The following CSPG4 variants were observed in gnomAD, a reference collection of about 807,000 sequenced individuals.
The protein encoded by CSPG4 is chondroitin sulfate proteoglycan 4, also known as chondroitin sulfate proteoglycan 4 (melanoma-associated).
In CSPG4, 74 loss-of-function variants were observed where a neutral mutation model predicts 139.3. The ratio of observed to expected loss-of-function variants is 0.53; its 90% CI spans 0.44 to 0.64. The LOEUF is 0.64. Ranked by LOEUF, CSPG4 falls within the 30% of genes least tolerant of loss-of-function variation. The probability of loss-of-function intolerance (pLI) is 0.00; values close to 1 mark genes in which losing one functional copy is unlikely to be tolerated. For missense variants in CSPG4, 2,565 were observed against 3,148.3 expected (o/e 0.81, Z 4.43); for synonymous variants, 1,234 against 1,394.2 (o/e 0.89, Z 2.56).
intron 1 of CSPG4, among the ~76,000 whole-genome samples, chr15:75,693,636 G>T (rs1191831065): frequency 1.3e-5 from 2 of 152,240 alleles, no homozygotes; most frequent in African/African-American, 4.8e-5. Context: ...CATCTGGCTT[G>T]GTGGTCACAG....
At chr15:75,712,621 C>A in intron 1 of CSPG4, 47 bp downstream of exon 1, 1 of 1,517,352 alleles carries the variant, frequency 6.6e-7, no homozygotes, top group Non-Finnish European at 8.9e-7. Flanking sequence ...CGGAGGAACC[C>A]CTCTAGTTCC....
At chr15:75,707,844 G>A (rs1217282406) in intron 1 of CSPG4, among the ~76,000 whole-genome samples, 1 of 152,148 alleles carries the variant, frequency 6.6e-6, no homozygotes, top group African/African-American at 2.4e-5. Context: ...ACACCCCTCT[G>A]GGGGCCAGGC....
At chr15:75,712,640 G>A in intron 1 of CSPG4, 28 bp downstream of exon 1, 2 of 1,545,534 alleles carry the variant, frequency 1.3e-6, no homozygotes, top group South Asian at 1.2e-5. Flanking sequence ...CCGCCAGGCT[G>A]GGTCGGGGTC....
Position 75,689,488 on chromosome 15 carries a change from G to T in CSPG4, c.1577C>A (p.Ala526Asp). The T allele has an allele frequency of 1.2e-6, 2 of 1,612,872 alleles. No individual in the cohort carries two copies. The highest frequency in any genetic ancestry group is 1.7e-6 in the Non-Finnish European group (2 of 1,179,872). Residue 526 changes from alanine to aspartate, a missense_variant, in exon 3 of 10, where the codon GCT becomes GAT. This residue lies in a region of CSPG4 where 2,316 missense variants were observed against 2,818.2 expected (regional missense o/e 0.82). Transcript: ENST00000308508. ...DQLVLEVSVT[A>D]RVPMPSCLRR... Reference sequence around the variant, plus strand: ...AAGGCATGAGGGCATGGGCACCCGAGCCGTCACCGACACCTCCAGCACCAG... The same window carrying T: ...AAGGCATGAGGGCATGGGCACCCGATCCGTCACCGACACCTCCAGCACCAG...
chr15:75,711,297 G>A (rs1894444043), intron 1 of CSPG4, among the ~76,000 whole-genome samples: 1 of 151,124 alleles, frequency 6.6e-6, no homozygotes, highest in African/African-American at 2.4e-5. Context: ...AATTTCCCGT[G>A]CCCCTGCGAG....
intron 1 of CSPG4, among the ~76,000 whole-genome samples, chr15:75,709,258 A>G (rs567239490): frequency 6.6e-6 from 1 of 152,342 alleles, no homozygotes; most frequent in East Asian, 1.9e-4. Flanking sequence ...CTGCAGCTGG[A>G]GGAAGAGCCT....
chr15:75,688,846 C>A lies in CSPG4; in HGVS notation c.2219G>T (p.Arg740Leu). ...AFHQRDVEQG[R>L]VRYLSTDPQH... ...TGGGTCAGTGCTCAGGTACCTCACG[C>A]GGCCCTGCTCCACATCCCGCTGGTG... Residue 740 changes from arginine (R) to leucine (L), a missense_variant, in exon 3 of 10, where the codon CGC becomes CTC. Arg to Leu is a moderately radical substitution (Grantham distance 102). This residue lies in a region of CSPG4 where 2,316 missense variants were observed against 2,818.2 expected (regional missense o/e 0.82). Transcript: ENST00000308508. The A allele has an allele frequency of 5.6e-6, 9 of 1,612,550 alleles. No individual in the cohort carries two copies. Among genetic ancestry groups the A allele is most frequent in the Non-Finnish European group, 7.6e-6 (9 of 1,179,980 alleles).
In CSPG4 at chr15:75,698,557, T is replaced by C. The variant is rs1405286894; in HGVS notation, c.89-5324A>G. Among the ~76,000 whole-genome samples, 1 of 151,846 alleles carries C rather than the reference T, an allele frequency of 6.6e-6. No homozygotes were observed. The highest frequency in any genetic ancestry group is 1.5e-5 in the Non-Finnish European group (1 of 67,954). The stretch of plus-strand genomic sequence containing the variant: ...GCATGGGTGAGTGTGTGCAGGAATG[T>C]GGGTCAGTGTCACATGTACACACGT... On this transcript the variant is annotated intron_variant, in intron 1 of 9. Coordinates refer to ENST00000308508, the MANE Select transcript of CSPG4 (RefSeq NM_001897.5). The surrounding 1 kb of genome is among the most constrained non-coding windows in gnomAD (Gnocchi z 4.3).
intron 5 of CSPG4, 80 bp from the exon 6 acceptor site, chr15:75,683,121 G>A: frequency 7.1e-7 from 1 of 1,399,950 alleles, no homozygotes; most frequent in African/African-American, 1.4e-5. Flanking sequence ...TGCCACCAGG[G>A]CTCCAGTCCT....
At position 75,693,176 on chromosome 15, in the gene CSPG4, A is replaced by G; in HGVS notation, c.146T>C (p.Ile49Thr). 1 of 1,609,932 alleles carries G rather than the reference A, an allele frequency of 6.2e-7. No homozygotes were observed. Among genetic ancestry groups the G allele is most frequent in the Non-Finnish European group, 8.5e-7 (1 of 1,179,084 alleles). Residue 49 changes from isoleucine to threonine, a missense_variant, in exon 2 of 10, where the codon ATA (isoleucine) becomes ACA (threonine). This residue lies in a region of CSPG4 where 30 missense variants were observed against 60.1 expected (regional missense o/e 0.50). Coordinates refer to ENST00000308508, the MANE Select transcript of CSPG4 (RefSeq NM_001897.5). ...CGTGGAGAACTGCAGCTGCAGGTCT[A>G]TGTCGGTCAGAGCCGTGGCCACAGG... is the stretch of plus-strand genomic sequence containing the variant. ...EVPVATALTD[I>T]DLQLQFSTSQ...
intron 5 of CSPG4, among the ~76,000 whole-genome samples, chr15:75,683,759 G>A (rs1391388960): frequency 3.3e-5 from 5 of 152,176 alleles, no homozygotes; most frequent in Admixed American, 1.3e-4. Context: ...TCACATGCCC[G>A]GAAAACAGAG....
Position 75,676,048 on chromosome 15 carries a change from G to A in CSPG4, c.6471C>T (p.Ser2157=). The change falls in exon 10 of 10, where the codon TCC becomes TCT. Residue 2157 remains serine, a synonymous_variant. Transcript: ENST00000308508. ...TGTAAGGCTCAGTGGCAAAGTCCAG[G>A]GAGGCCACAGCAGGCGGGACGCCCT... ...WAQGVPPAVA[S]LDFATEPYNA... is the part of the protein sequence containing the mutation. 1 of 1,545,368 alleles carries A rather than the reference G, an allele frequency of 6.5e-7. No individual in the cohort carries two copies. Among genetic ancestry groups the A allele is most frequent in the Non-Finnish European group, 8.7e-7 (1 of 1,149,968 alleles).
rs541425795 is a variant in CSPG4, at chr15:75,705,664, G to T, written c.88+7004C>A. 8.5e-5 allele frequency among the ~76,000 whole-genome samples: 13 copies of T among 152,322 alleles called. No individual in the cohort carries two copies. The East Asian group carries it at 2.5e-3, about 29-fold the overall frequency. On this transcript the variant is annotated intron_variant, in intron 1 of 9. Coordinates refer to ENST00000308508, the MANE Select transcript of CSPG4 (RefSeq NM_001897.5). ...CTAATGCCGTGTTTCACCACCATGT[G>T]CCTGGCCTCCTGCTTCCCTGTGTGG...
chr15:75,705,093 A>G (rs1894353659), intron 1 of CSPG4, among the ~76,000 whole-genome samples: 1 of 152,092 alleles, frequency 6.6e-6, no homozygotes, highest in Non-Finnish European at 1.5e-5. Flanking sequence ...AGTGAGCCCC[A>G]TCCTAGGGGC....
chr15:75,678,828 G>A, intron 8 of CSPG4: 1 of 456,158 alleles, frequency 2.2e-6, no homozygotes, highest in Non-Finnish European at 4.4e-6. Flanking sequence ...AAGGGCACCA[G>A]AGGCCTCCGT....
Position 75,689,496 on chromosome 15 carries a change from C to G in CSPG4, c.1569G>C (p.Ser523=). ...AGGGCATGGGCACCCGAGCCGTCACCGACACCTCCAGCACCAGCTGGTCGG... is the reference window on the plus strand; with the variant it reads ...AGGGCATGGGCACCCGAGCCGTCACGGACACCTCCAGCACCAGCTGGTCGG... The part of the protein sequence containing the change: ...DTSDQLVLEV[S]VTARVPMPSC... The change falls in exon 3 of 10, where the codon TCG becomes TCC. Residue 523 remains serine (S), a synonymous_variant. Transcript: ENST00000308508. 2 of 1,612,816 alleles carry G rather than the reference C, an allele frequency of 1.2e-6. No individual in the cohort carries two copies. The highest frequency in any genetic ancestry group is 1.7e-6 in the Non-Finnish European group (2 of 1,179,856).
chr15:75,681,124 C>T (rs913818546), intron 8 of CSPG4, among the ~76,000 whole-genome samples: 2 of 152,196 alleles, frequency 1.3e-5, no homozygotes, highest in African/African-American at 4.8e-5. Flanking sequence ...ACAAATATCT[C>T]ATTGTGGGGA....
At chr15:75,699,108 A>G (rs1462729788) in intron 1 of CSPG4, among the ~76,000 whole-genome samples, 7 of 152,152 alleles carry the variant, frequency 4.6e-5, no homozygotes, top group Admixed American at 1.3e-4. Context: ...CCCGTGAGCT[A>G]CCGAAATGCG....
chr15:75,676,216 C>A lies in CSPG4; in HGVS notation c.6303G>T (p.Arg2101Ser). ...HGRVVRVPRA[R>S]TEPGGSQLVE... ...CCAGCTGGCTGCCCCCGGGCTCCGTCCTGGCTCGGGGCACGCGGACCACGC... is the reference window on the plus strand; with the variant it reads ...CCAGCTGGCTGCCCCCGGGCTCCGTACTGGCTCGGGGCACGCGGACCACGC... The change falls in exon 10 of 10, where the codon AGG becomes AGT. Residue 2101 changes from arginine to serine, a missense_variant. Physicochemically the swap from Arg to Ser is moderately radical, Grantham distance 110. Transcript: ENST00000308508. 1 of 1,552,374 alleles carries A rather than the reference C, an allele frequency of 6.4e-7. No individual in the cohort carries two copies. The highest frequency in any genetic ancestry group is 2.4e-5 in the East Asian group (1 of 41,782).
Sources: gnomAD v4.1 joint callset for allele counts (sites outside exome capture counted in the v4.1 genomes callset) on GRCh38, gnomAD v4.1.1 for gene constraint, gnomAD v4.1.1 regional missense constraint, Gnocchi (gnomAD v3.1) non-coding constraint, MANE v1.5 for transcripts, NCBI Gene and HGNC (gene_info 2026-07-23, HGNC 2026-07-21) for gene names.